The following TMEM62 variants were observed in gnomAD, a reference collection of about 807,000 sequenced individuals.
TMEM62 encodes transmembrane protein 62.
TMEM62 carries 41 observed loss-of-function variants against 70.4 expected under a neutral mutation model. The observed-to-expected ratio is 0.58, with a 90% confidence interval of 0.45 to 0.76. TMEM62 has a LOEUF of 0.76. Among genes scored for constraint, TMEM62 ranks in the 30% least tolerant of loss-of-function variants. TMEM62 has a pLI of 0.00. For synonymous variants in TMEM62, 268 were observed against 291.0 expected (o/e 0.92, Z 0.80); for missense variants, 688 against 788.5 (o/e 0.87, Z 1.53).
chr15:43,145,603 G>A (rs2036576841), intron 4 of TMEM62, among the ~76,000 whole-genome samples: 2 of 152,156 alleles, frequency 1.3e-5, no homozygotes. Flanking sequence ...TAGTTGTAAT[G>A]TCTATATCAT....
chr15:43,156,112 C>T (rs755378695), intron 9 of TMEM62, among the ~76,000 whole-genome samples: 57 of 152,084 alleles, frequency 3.7e-4, no homozygotes, highest in Non-Finnish European at 5.6e-4. Flanking sequence ...ATTTAATCTT[C>T]TAATATTAAG....
rs202170331 is a variant in TMEM62 at position 43,154,702 on chromosome 15, T to C, written c.1053T>C (p.Thr351=). Residue 351 remains threonine (T), a synonymous_variant, in exon 9 of 14, where the codon ACT becomes ACC. Coordinates refer to ENST00000260403, the MANE Select transcript of TMEM62 (RefSeq NM_024956.4). ...TGGCCTTTTCCTTATCCTCCATTAC[T>C]TCTGTCACAGTTAAGATTGATGGAG... ...RVLAFSLSSI[T]SVTVKIDGVH... 6.2e-6 allele frequency: 10 copies of C among 1,612,594 alleles called. No homozygotes were observed. The East Asian group carries it at 1.8e-4, about 29-fold the overall frequency.
chr15:43,171,773 GC>G (rs909679357), intron 11 of TMEM62, among the ~76,000 whole-genome samples: 1 of 151,284 alleles, frequency 6.6e-6, no homozygotes, highest in African/African-American at 2.4e-5. Context: ...GACTACAGGC[GC>G]CCACCACCAC....
At chr15:43,138,708 A>T (rs2141488563) in intron 4 of TMEM62, 89 bp downstream of exon 4, 1 of 1,146,430 alleles carries the variant, frequency 8.7e-7, no homozygotes, top group Non-Finnish European at 1.3e-6. Context: ...GAAAACTTTA[A>T]AAAAACATTT....
rs185598052 is a variant in TMEM62, at chr15:43,170,757, A to G, written c.1381+1080A>G. Reference sequence around the variant, plus strand: ...TGAAACCTGATGGAAAGATACTTAAATATAATCAGACATAGGAAGAGCATG... The same window carrying G: ...TGAAACCTGATGGAAAGATACTTAAGTATAATCAGACATAGGAAGAGCATG... On this transcript the variant is annotated intron_variant, in intron 11 of 13. Transcript: ENST00000260403. 1.3e-4 allele frequency among the ~76,000 whole-genome samples: 20 copies of G among 152,322 alleles called. No individual in the cohort carries two copies. In the East Asian group the frequency reaches 3.3e-3, roughly 25 times the overall value.
intron 8 of TMEM62, among the ~76,000 whole-genome samples, chr15:43,152,293 C>A (rs2037490535): frequency 7.2e-5 from 11 of 151,902 alleles, no homozygotes; most frequent in Admixed American, 6.6e-4. Context: ...CATTATATAT[C>A]AAATTTTTTT....
At chr15:43,153,430 A>G (rs1053806595) in intron 8 of TMEM62, among the ~76,000 whole-genome samples, 1 of 152,174 alleles carries the variant, frequency 6.6e-6, no homozygotes, top group African/African-American at 2.4e-5. Context: ...CCATTAAACA[A>G]TAACTTCCTG....
At chr15:43,178,795 A>G in intron 12 of TMEM62, 84 bp downstream of exon 12, 1 of 722,684 alleles carries the variant, frequency 1.4e-6, no homozygotes, top group South Asian at 2.1e-5. Context: ...TCTTGAGGGT[A>G]TAACAAATGG....
intron 3 of TMEM62, 44 bp from the exon 4 acceptor site, chr15:43,138,530 T>A: frequency 6.9e-7 from 1 of 1,444,296 alleles, no homozygotes; most frequent in South Asian, 1.2e-5. Flanking sequence ...GTATTCTTTT[T>A]TTAATGTGGA....
chr15:43,154,827 T>C lies in TMEM62; in HGVS notation c.1178T>C (p.Val393Ala). The C allele has an allele frequency of 1.3e-6, 2 of 1,598,648 alleles. No individual in the cohort carries two copies. Among genetic ancestry groups the C allele is most frequent in the Non-Finnish European group, 1.7e-6 (2 of 1,174,138 alleles). The change falls in exon 9 of 14, where the codon GTC becomes GCC. Residue 393 changes from valine (V) to alanine (A), a missense_variant. By Grantham distance (64) the Val-to-Ala change is moderately conservative. Coordinates refer to ENST00000260403, the MANE Select transcript of TMEM62 (RefSeq NM_024956.4). ...SSGTHNIEVI[V>A]QDSAGRSKSV... ...GGGACACATAACATAGAAGTAATCG[T>C]CCAGGTAAGTTAGTAATTTATATTT...
intron 10 of TMEM62, among the ~76,000 whole-genome samples, chr15:43,166,985 C>CGGGAA (rs2039507924): frequency 1.3e-5 from 2 of 152,226 alleles, no homozygotes; most frequent in Non-Finnish European, 2.9e-5. Flanking sequence ...TTTTCCCCAC[C>CGGGAA]TTCCCCCCTT....
Position 43,138,603 on chromosome 15 carries a change from A to C in TMEM62, c.460A>C (p.Ile154Leu). The change falls in exon 4 of 14, where the codon ATC (isoleucine) becomes CTC (leucine). Residue 154 changes from isoleucine (I) to leucine (L), a missense_variant. By Grantham distance (5) the Ile-to-Leu change is conservative. Transcript: ENST00000260403. ...ATTCAATATTCCAAGTCTGGACAGC[A>C]TCAAGAATTATTACAGGTACTGTAA... ...DAFNIPSLDS[I>L]KNYYRKYSAV... is the part of the protein sequence containing the mutation. 6.2e-7 allele frequency: 1 copy of C among 1,602,938 alleles called. No homozygotes were observed. Among genetic ancestry groups the C allele is most frequent in the Non-Finnish European group, 8.5e-7 (1 of 1,173,074 alleles).
chr15:43,162,301 C>CTTT (rs767207961), intron 10 of TMEM62, among the ~76,000 whole-genome samples: 1 of 135,050 alleles, frequency 7.4e-6, no homozygotes, highest in Non-Finnish European at 1.6e-5. Context: ...CCACGTCCAG[C>CTTT]TTTTTTTTTT....
chr15:43,168,454 G>T (rs2039830683), intron 10 of TMEM62, among the ~76,000 whole-genome samples: 1 of 152,106 alleles, frequency 6.6e-6, no homozygotes, highest in African/African-American at 2.4e-5. Flanking sequence ...CCAGGACATG[G>T]TCTTTCTCTT....
chr15:43,182,490 G>A (rs1330597783), intron 13 of TMEM62, among the ~76,000 whole-genome samples: 1 of 137,112 alleles, frequency 7.3e-6, no homozygotes, highest in East Asian at 2.1e-4. Flanking sequence ...TCTCGATCTT[G>A]TCGTCCAGGC....
intron 12 of TMEM62, among the ~76,000 whole-genome samples, chr15:43,179,000 ATCTT>A (rs1413072061): frequency 6.6e-6 from 1 of 152,202 alleles, no homozygotes; most frequent in Admixed American, 6.5e-5. Flanking sequence ...TTCTTTGTCT[ATCTT>A]AAAGTTTTAG....
chr15:43,149,506 A>ATTT (rs34518288), intron 7 of TMEM62, among the ~76,000 whole-genome samples: 2 of 145,444 alleles, frequency 1.4e-5, no homozygotes, highest in Non-Finnish European at 3.0e-5. Flanking sequence ...AACAAATTAC[A>ATTT]TTTTTTTTTT....
At chr15:43,156,249 T>C (rs984381941) in intron 9 of TMEM62, among the ~76,000 whole-genome samples, 8 of 152,360 alleles carry the variant, frequency 5.3e-5, no homozygotes, top group African/African-American at 1.7e-4. Flanking sequence ...TCTAAGGAGA[T>C]GCTAGGCACT....
chr15:43,184,405 T>C lies in TMEM62; in HGVS notation c.1751T>C (p.Ile584Thr), dbSNP rs753075193. Residue 584 changes from isoleucine to threonine, a missense_variant, in exon 14 of 14, where the codon ATC (isoleucine) becomes ACC (threonine). Ile to Thr is a moderately conservative substitution (Grantham distance 89, BLOSUM62 -1). Coordinates refer to ENST00000260403, the MANE Select transcript of TMEM62 (RefSeq NM_024956.4). ...PVHLLMLLLY[I>T]WQVYSCYFLY... Reference sequence around the variant, plus strand: ...CACCTACTTATGCTACTGCTGTACATCTGGCAGGTTTATTCCTGCTACTTT... The same window carrying C: ...CACCTACTTATGCTACTGCTGTACACCTGGCAGGTTTATTCCTGCTACTTT... 3 of 1,614,248 alleles carry C rather than the reference T, an allele frequency of 1.9e-6. No individual in the cohort carries two copies. The highest frequency in any genetic ancestry group is 2.2e-5 in the South Asian group (2 of 91,086).
Sources: allele counts gnomAD v4.1 joint callset (sites outside exome capture counted in the v4.1 genomes callset), GRCh38; gene constraint gnomAD v4.1.1; transcripts MANE v1.5; gene names NCBI Gene and HGNC (gene_info 2026-07-23, HGNC 2026-07-21).